The following PCSK2 variants were observed in gnomAD, a reference collection of about 807,000 sequenced individuals.
The protein encoded by PCSK2 is proprotein convertase subtilisin/kexin type 2.
PCSK2 carries 14 observed loss-of-function variants against 69.7 expected under a neutral mutation model. That is an observed-to-expected ratio of 0.20 (90% CI 0.13 to 0.31). The LOEUF is 0.31. Among genes scored for constraint, PCSK2 ranks in the 10% least tolerant of loss-of-function variants. The probability of loss-of-function intolerance (pLI) is 1.00; values close to 1 mark genes in which losing one functional copy is unlikely to be tolerated. For synonymous variants in PCSK2, 307 were observed against 320.7 expected (o/e 0.96, Z 0.46); for missense variants, 544 against 842.5 (o/e 0.65, Z 4.39).
At chr20:17,349,710 A>G (rs2029916164) in intron 2 of PCSK2, among the ~76,000 whole-genome samples, 1 of 152,232 alleles carries the variant, frequency 6.6e-6, no homozygotes, top group Non-Finnish European at 1.5e-5. Flanking sequence ...TTACCATGCA[A>G]ATTAAGAGGT....
At chr20:17,283,426 T>C (rs1284590132) in intron 2 of PCSK2, among the ~76,000 whole-genome samples, 1 of 152,108 alleles carries the variant, frequency 6.6e-6, no homozygotes, top group Non-Finnish European at 1.5e-5. Context: ...TTGGAGCACA[T>C]TTTACCAACA....
chr20:17,350,214 G>A (rs1157394366), intron 2 of PCSK2, among the ~76,000 whole-genome samples: 1 of 149,326 alleles, frequency 6.7e-6, no homozygotes, highest in Non-Finnish European at 1.5e-5. Context: ...AGGTACTGGA[G>A]GTTAGCGCCT....
At chr20:17,377,756 G>A (rs937250044) in intron 5 of PCSK2, among the ~76,000 whole-genome samples, 4 of 152,302 alleles carry the variant, frequency 2.6e-5, no homozygotes, top group South Asian at 2.1e-4. Context: ...CACTTTGATA[G>A]ACCGTCAGTC....
intron 5 of PCSK2, among the ~76,000 whole-genome samples, chr20:17,373,055 G>A (rs1390356205): frequency 6.6e-6 from 1 of 152,138 alleles, no homozygotes; most frequent in Non-Finnish European, 1.5e-5. Context: ...GGAGGGATGA[G>A]CCAGCCTGGT....
chr20:17,378,377 A>T (rs2030989300), intron 5 of PCSK2, among the ~76,000 whole-genome samples: 3 of 152,188 alleles, frequency 2.0e-5, no homozygotes, highest in African/African-American at 7.2e-5. Context: ...AGAAGCCTAG[A>T]CTTAAAAAGT....
chr20:17,302,383 T>A (rs572282026), intron 2 of PCSK2, among the ~76,000 whole-genome samples: 1 of 152,080 alleles, frequency 6.6e-6, no homozygotes, highest in South Asian at 2.1e-4. Flanking sequence ...TGAAAAACAA[T>A]TTTTTCAGAT....
chr20:17,243,491 G>A (rs1234255964), intron 1 of PCSK2, among the ~76,000 whole-genome samples: 1 of 152,144 alleles, frequency 6.6e-6, no homozygotes, highest in East Asian at 1.9e-4. Context: ...ACCATACCTG[G>A]CCTTGTTTGG....
chr20:17,329,322 G>A (rs188245147), intron 2 of PCSK2, among the ~76,000 whole-genome samples: 1 of 152,100 alleles, frequency 6.6e-6, no homozygotes. Context: ...ACTAAAAAGA[G>A]GGTTATCATA....
At chr20:17,295,663 C>T (rs1307788070) in intron 2 of PCSK2, among the ~76,000 whole-genome samples, 2 of 151,696 alleles carry the variant, frequency 1.3e-5, no homozygotes, top group African/African-American at 4.8e-5. Context: ...CACCCTCCTG[C>T]CTCAGCCTTC....
At position 17,477,311 on chromosome 20, in the gene PCSK2, GTATTT is replaced by G. The variant is rs532527809; in HGVS notation, c.1431-4252_1431-4248del. On this transcript the variant is annotated intron_variant, in intron 11 of 11. Coordinates refer to ENST00000262545, the MANE Select transcript of PCSK2 (RefSeq NM_002594.5). ...GTACATGTGCCAAGCATTGTGCCTGGTATTTTATTTTATTTTATTTTATTTATTTA... is the reference window on the plus strand; with the variant it reads ...GTACATGTGCCAAGCATTGTGCCTGGTATTTTATTTTATTTTATTTATTTA... Among the ~76,000 whole-genome samples the G allele has an allele frequency of 5.8e-3, 875 of 149,858 alleles. 16 individuals are homozygous for G. The highest frequency in any genetic ancestry group is 0.021 in the African/African-American group (838 of 40,794).
At chr20:17,278,978 G>A (rs1182267743) in intron 2 of PCSK2, among the ~76,000 whole-genome samples, 2 of 151,906 alleles carry the variant, frequency 1.3e-5, no homozygotes, top group African/African-American at 4.8e-5. Flanking sequence ...TGCTTTATTT[G>A]GTTGTCATCC....
At chr20:17,439,323 C>A (rs1331698700) in intron 8 of PCSK2, among the ~76,000 whole-genome samples, 1 of 151,942 alleles carries the variant, frequency 6.6e-6, no homozygotes, top group African/African-American at 2.4e-5. Context: ...ACATGTTTCA[C>A]CATGTTGCCC....
chr20:17,295,538 T>TTTATA (rs1568589416), intron 2 of PCSK2, among the ~76,000 whole-genome samples: 1 of 146,096 alleles, frequency 6.8e-6, no homozygotes, highest in African/African-American at 2.5e-5. Context: ...TATTTATTTA[T>TTTATA]TTATATTATA....
At chr20:17,396,591 T>G (rs1461136651) in intron 5 of PCSK2, among the ~76,000 whole-genome samples, 1 of 152,084 alleles carries the variant, frequency 6.6e-6, no homozygotes, top group African/African-American at 2.4e-5. Context: ...GGGCTGCTTT[T>G]ACAAGAAGCT....
intron 2 of PCSK2, among the ~76,000 whole-genome samples, chr20:17,353,035 C>G (rs903786689): frequency 6.6e-6 from 1 of 152,072 alleles, no homozygotes; most frequent in African/African-American, 2.4e-5. Flanking sequence ...AGGACATCAA[C>G]AGATACTTCT....
intron 2 of PCSK2, among the ~76,000 whole-genome samples, chr20:17,296,462 C>T (rs1361516208): frequency 3.9e-5 from 6 of 152,232 alleles, no homozygotes; most frequent in African/African-American, 1.2e-4. Context: ...ACTCGCGCCC[C>T]TCTCAGCACT....
chr20:17,421,807 T>TAAAAAAAAAAAA (rs56376793), intron 6 of PCSK2, among the ~76,000 whole-genome samples: 1 of 78,966 alleles, frequency 1.3e-5, no homozygotes, highest in Non-Finnish European at 2.3e-5. Flanking sequence ...GGAAGAGAGG[T>TAAAAAAAAAAAA]AAAAAAAAAA....
At chr20:17,304,971 T>A (rs1347737282) in intron 2 of PCSK2, among the ~76,000 whole-genome samples, 1 of 152,158 alleles carries the variant, frequency 6.6e-6, no homozygotes, top group African/African-American at 2.4e-5. Context: ...AGGCTGCAGC[T>A]CCTCCCAGCT....
At chr20:17,253,108 T>G (rs1350366618) in intron 1 of PCSK2, among the ~76,000 whole-genome samples, 1 of 152,228 alleles carries the variant, frequency 6.6e-6, no homozygotes, top group African/African-American at 2.4e-5. Flanking sequence ...ACTTAGAGAT[T>G]GAATTCCTAG....
Sources: allele counts gnomAD v4.1 joint callset (sites outside exome capture counted in the v4.1 genomes callset), GRCh38; gene constraint gnomAD v4.1.1; transcripts MANE v1.5; gene names NCBI Gene and HGNC (gene_info 2026-07-23, HGNC 2026-07-21).